The following KLF17 variants were observed in gnomAD, a reference collection of about 807,000 sequenced individuals.
The protein encoded by KLF17 is Krueppel-like factor 17.
Under a neutral mutation model 34.2 loss-of-function variants are expected in KLF17, and 31 were observed. The ratio of observed to expected loss-of-function variants is 0.91; its 90% confidence interval spans 0.68 to 1.22. The LOEUF (loss-of-function observed/expected upper bound fraction) is 1.22. KLF17 is among the 50% of genes most tolerant of loss of function. The pLI, the probability that KLF17 is intolerant of heterozygous loss-of-function variation, is 0.00. For synonymous variants in KLF17, 179 were observed against 186.7 expected (o/e 0.96, Z 0.34); for missense variants, 478 against 505.2 (o/e 0.95, Z 0.52).
chr1:44,067,281 G>A, the KLF17 span, among the ~76,000 whole-genome samples: 198 of 152,220 alleles, frequency 1.3e-3, no homozygotes, highest in East Asian at 0.015. Flanking sequence ...GCAGACAACA[G>A]GATCTGCAAT....
chr1:44,103,674 G>T, the KLF17 span: 1 of 1,609,440 alleles, frequency 6.2e-7, no homozygotes, highest in Admixed American at 1.7e-5. Context: ...CAGCTGCCGC[G>T]CCATGTCCTG....
the KLF17 span, among the ~76,000 whole-genome samples, chr1:44,065,492 C>T: frequency 6.7e-6 from 1 of 148,988 alleles, no homozygotes. Flanking sequence ...TCATTGCAAC[C>T]TCTGCCTCCT....
At chr1:44,056,646 A>G in the KLF17 span, among the ~76,000 whole-genome samples, 1 of 152,172 alleles carries the variant, frequency 6.6e-6, no homozygotes, top group South Asian at 2.1e-4. Context: ...AAAACAAGGG[A>G]TGGCTTTGGG....
chr1:44,105,337 T>C, the KLF17 span: 1 of 151,020 alleles, frequency 6.6e-6, no homozygotes, highest in Non-Finnish European at 1.5e-5. Context: ...TTTAAAAACA[T>C]TAAAACTTTT....
the KLF17 span, chr1:44,105,166 A>G: frequency 6.6e-6 from 1 of 152,218 alleles, no homozygotes; most frequent in African/African-American, 2.4e-5. Context: ...TATAAGTGGT[A>G]AAATGGAAAA....
chr1:44,100,483 G>A, the KLF17 span, among the ~76,000 whole-genome samples: 10 of 151,842 alleles, frequency 6.6e-5, no homozygotes, highest in South Asian at 6.2e-4. Context: ...GAATGAGGGG[G>A]GGAACCTATG....
chr1:44,126,918 T>TG (rs1194028086), intron 1 of KLF17, among the ~76,000 whole-genome samples: 1 of 152,008 alleles, frequency 6.6e-6, no homozygotes, highest in African/African-American at 2.4e-5. Flanking sequence ...TATTTTGAGA[T>TG]GGGGTCTCAC....
the KLF17 span, among the ~76,000 whole-genome samples, chr1:44,073,224 T>G: frequency 6.6e-6 from 1 of 150,786 alleles, no homozygotes; most frequent in Non-Finnish European, 1.5e-5. Flanking sequence ...TTTTTTTTTT[T>G]GAGACAGAGT....
intron 1 of KLF17, among the ~76,000 whole-genome samples, chr1:44,124,117 T>C (rs191773120): frequency 1.3e-5 from 2 of 152,270 alleles, no homozygotes; most frequent in Admixed American, 6.5e-5. Flanking sequence ...TGGATCTAAA[T>C]ATATATACAG....
chr1:44,046,759 G>A, the KLF17 span, among the ~76,000 whole-genome samples: 2 of 152,094 alleles, frequency 1.3e-5, no homozygotes, highest in African/African-American at 2.4e-5. Context: ...AGTGGCTCAC[G>A]CCTGTAATCC....
Position 44,129,488 on chromosome 1 carries a change from G to A in KLF17, c.217G>A (p.Val73Met), listed in dbSNP as rs2088074719. Residue 73 changes from valine to methionine, a missense_variant, in exon 2 of 4, where the codon GTG becomes ATG. By Grantham distance (21) the Val-to-Met change is conservative (BLOSUM62 1). Transcript: ENST00000372299. The stretch of plus-strand genomic sequence containing the variant: ...CGCAGAGATGCTGGGGTCCCCTTTG[G>A]TGTCTGTTGAGGCGCCGGGGCAGAA... ...HSAEMLGSPL[V>M]SVEAPGQNVN... 6.2e-7 allele frequency: 1 copy of A among 1,612,280 alleles called. No homozygotes were observed. Among genetic ancestry groups the A allele is most frequent in the South Asian group, 1.1e-5 (1 of 90,812 alleles).
chr1:44,117,787 G>C (rs575956215), upstream of KLF17, among the ~76,000 whole-genome samples: 1 of 152,232 alleles, frequency 6.6e-6, no homozygotes, highest in Admixed American at 6.5e-5. Flanking sequence ...GAACCACTGC[G>C]CCCAGCCTCA....
chr1:44,084,813 C>A, the KLF17 span, among the ~76,000 whole-genome samples: 1 of 151,274 alleles, frequency 6.6e-6, no homozygotes, highest in South Asian at 2.1e-4. Flanking sequence ...GTGGCTCATG[C>A]CTGTAATCTC....
At chr1:44,085,658 A>G in the KLF17 span, among the ~76,000 whole-genome samples, 1 of 151,974 alleles carries the variant, frequency 6.6e-6, no homozygotes, top group Non-Finnish European at 1.5e-5. Flanking sequence ...ATAGAAAGTT[A>G]GCTGGGCATG....
chr1:44,110,498 C>G, the KLF17 span: 2 of 152,028 alleles, frequency 1.3e-5, no homozygotes, highest in African/African-American at 4.8e-5. Context: ...CGAGACCAGC[C>G]TGAGCAACAT....
chr1:44,057,495 G>A, the KLF17 span, among the ~76,000 whole-genome samples: 1 of 152,164 alleles, frequency 6.6e-6, no homozygotes, highest in Non-Finnish European at 1.5e-5. Flanking sequence ...TGCTCCACCA[G>A]ACAGAGCAGC....
the KLF17 span, among the ~76,000 whole-genome samples, chr1:44,095,168 T>A: frequency 6.6e-6 from 1 of 151,460 alleles, no homozygotes; most frequent in Admixed American, 6.6e-5. Context: ...CCCAAAGTGC[T>A]GGGATTACAG....
At chr1:44,122,092 C>T in intron 1 of KLF17, 1 of 1,044,442 alleles carries the variant, frequency 9.6e-7, no homozygotes. Flanking sequence ...GACATAAACA[C>T]AACCTGTACA....
intron 1 of KLF17, among the ~76,000 whole-genome samples, chr1:44,127,051 C>T (rs1236451964): frequency 6.7e-6 from 1 of 148,436 alleles, no homozygotes; most frequent in Non-Finnish European, 1.5e-5. Flanking sequence ...CGCATGCTAC[C>T]ATGCCTGGCT....
Sources: gnomAD v4.1 joint callset for allele counts (sites outside exome capture counted in the v4.1 genomes callset) on GRCh38, gnomAD v4.1.1 for gene constraint, MANE v1.5 for transcripts, NCBI Gene and HGNC (gene_info 2026-07-23, HGNC 2026-07-21) for gene names.